Variants in FAM20B observed in about 807,000 individuals in gnomAD.
FAM20B encodes FAM20B glycosaminoglycan xylosylkinase, also known as glycosaminoglycan xylosylkinase.
FAM20B carries 23 observed loss-of-function variants against 43.8 expected under a neutral mutation model. The ratio of observed to expected loss-of-function variants is 0.53; its 90% CI spans 0.38 to 0.74. The LOEUF (loss-of-function observed/expected upper bound fraction) is 0.74, where lower values mean the gene tolerates loss of function less well. Ranked by LOEUF, FAM20B falls within the 30% of genes least tolerant of loss-of-function variation. The pLI, the probability that FAM20B is intolerant of heterozygous loss-of-function variation, is 0.00. For synonymous variants in FAM20B, 178 were observed against 192.4 expected (o/e 0.93, Z 0.62); for missense variants, 440 against 510.5 (o/e 0.86, Z 1.33).
rs140404212 is a variant in FAM20B, at chr1:179,048,291, C to T, written c.378-1988C>T. Among the ~76,000 whole-genome samples, 74 of 152,242 alleles carry T rather than the reference C, an allele frequency of 4.9e-4. No homozygotes were observed. The Middle Eastern group carries it at 0.01, about 21-fold the overall frequency. On this transcript the variant is annotated intron_variant, in intron 2 of 7. Coordinates refer to ENST00000263733, the MANE Select transcript of FAM20B (RefSeq NM_014864.4). ...TTTTACAGGTGAGAAAAATGAGATC[C>T]AGAATTCTGATTTTCCATATTTCAC...
rs1456486057 is a variant in FAM20B, at chr1:179,075,816, A to G, written c.*3672A>G. On this transcript the variant is annotated 3_prime_UTR_variant, in exon 8 of 8. Coordinates refer to ENST00000263733, the MANE Select transcript of FAM20B (RefSeq NM_014864.4). ...GCCTTCCCTTCCCTTCCCATCCGCC[A>G]TATTTCTTCAGCCTTTCTTCTCGAT... 1 of 151,572 alleles carries G rather than the reference A, an allele frequency of 6.6e-6. No individual in the cohort carries two copies. The highest frequency in any genetic ancestry group is 1.5e-5 in the Non-Finnish European group (1 of 67,928). 9.4% of individuals were successfully genotyped at this position (151,572 alleles called of 1,614,324 possible).
At chr1:179,019,378 G>C in the FAM20B span, among the ~76,000 whole-genome samples, 4 of 151,990 alleles carry the variant, frequency 2.6e-5, no homozygotes, top group Non-Finnish European at 4.4e-5. Context: ...ATGAGTCTAA[G>C]ACAACTGATG....
At chr1:179,049,178 T>A (rs1302978490) in intron 2 of FAM20B, among the ~76,000 whole-genome samples, 8 of 152,228 alleles carry the variant, frequency 5.3e-5, no homozygotes, top group African/African-American at 1.9e-4. Context: ...TATCCTTTGC[T>A]TATGTCATAC....
At position 179,073,062 on chromosome 1, in the gene FAM20B, C is replaced by G. The variant is rs1651994999; in HGVS notation, c.*918C>G. On this transcript the variant is annotated 3_prime_UTR_variant, in exon 8 of 8. Transcript: ENST00000263733. ...CAAACTGAAATAATACCTTGAATAA[C>G]AGGTTGCCTGTGGTCTCTGTCATCC... The G allele has an allele frequency of 6.6e-6, 1 of 152,198 alleles. No individual in the cohort carries two copies. The highest frequency in any genetic ancestry group is 1.9e-4 in the East Asian group (1 of 5,196). 9.4% of individuals were successfully genotyped at this position (152,198 alleles called of 1,614,324 possible). A position where few individuals can be genotyped will look rare whatever the true frequency, so the allele number is the denominator to read the frequency against.
intron 7 of FAM20B, among the ~76,000 whole-genome samples, chr1:179,070,683 C>T (rs1651886331): frequency 6.6e-6 from 1 of 151,780 alleles, no homozygotes; most frequent in Admixed American, 6.6e-5. Flanking sequence ...TGCCACCACG[C>T]CCAGCTAATT....
intron 1 of FAM20B, among the ~76,000 whole-genome samples, chr1:179,041,758 GA>G (rs1339460225): frequency 6.6e-6 from 1 of 151,970 alleles, no homozygotes; most frequent in Non-Finnish European, 1.5e-5. Context: ...AGGGAAAGGG[GA>G]GAGGGGAGAG....
chr1:179,068,250 C>G (rs1651772208), intron 7 of FAM20B, among the ~76,000 whole-genome samples: 1 of 152,110 alleles, frequency 6.6e-6, no homozygotes, highest in African/African-American at 2.4e-5. Context: ...CAACAAAATT[C>G]TGTAGAAAGT....
At chr1:179,053,243 C>T (rs1405656949) in intron 3 of FAM20B, among the ~76,000 whole-genome samples, 1 of 152,124 alleles carries the variant, frequency 6.6e-6, no homozygotes, top group Non-Finnish European at 1.5e-5. Context: ...CAATGCTAAA[C>T]TGGCTGCTGT....
chr1:179,038,021 T>C (rs1650322835), intron 1 of FAM20B, among the ~76,000 whole-genome samples: 1 of 152,216 alleles, frequency 6.6e-6, no homozygotes, highest in South Asian at 2.1e-4. Flanking sequence ...AAACCACAGC[T>C]CTAACCTTTG....
In FAM20B at chr1:179,075,801, C is replaced by T. The variant is rs1362015750; in HGVS notation, c.*3657C>T. 2 of 151,940 alleles carry T rather than the reference C, an allele frequency of 1.3e-5. No individual in the cohort carries two copies. Among genetic ancestry groups the T allele is most frequent in the Non-Finnish European group, 2.9e-5 (2 of 67,976 alleles). 9.4% of individuals were successfully genotyped at this position (151,940 alleles called of 1,614,324 possible). A position where few individuals can be genotyped will look rare whatever the true frequency, so the allele number is the denominator to read the frequency against. On this transcript the variant is annotated 3_prime_UTR_variant, in exon 8 of 8. Transcript: ENST00000263733. ...AAAAAAAATGCTTTTGCCTTCCCTT[C>T]CCTTCCCATCCGCCATATTTCTTCA...
At chr1:179,032,623 A>G (rs766482023) in intron 1 of FAM20B, among the ~76,000 whole-genome samples, 4 of 152,204 alleles carry the variant, frequency 2.6e-5, no homozygotes, top group African/African-American at 9.7e-5. Flanking sequence ...CAGAAAGCTT[A>G]TATTTAAAAT....
rs915354084 is a variant in FAM20B, at chr1:179,066,842, T to A, written c.981T>A (p.Pro327=). The A allele has an allele frequency of 3.1e-6, 5 of 1,612,060 alleles. No homozygotes were observed. The highest frequency in any genetic ancestry group is 4.2e-6 in the Non-Finnish European group (5 of 1,178,206). ...TGGATGAAAGAAGCATTCTTGCCCC[T>A]CTCTATCAGTGTTGCATGTAAGTTA... ...PSLDERSILA[P]LYQCCIIRVS... is the part of the protein sequence containing the mutation. Residue 327 remains proline (P), a synonymous_variant, in exon 7 of 8, where the codon CCT becomes CCA. Transcript: ENST00000263733.
chr1:179,052,873 CA>C (rs557032865), intron 3 of FAM20B, among the ~76,000 whole-genome samples: 127 of 152,276 alleles, frequency 8.3e-4, no homozygotes, highest in Admixed American at 3.1e-3. Flanking sequence ...TGTTGGAAAC[CA>C]ACAGGCATAA....
intron 2 of FAM20B, among the ~76,000 whole-genome samples, chr1:179,045,621 G>C (rs1208584502): frequency 6.6e-6 from 1 of 152,294 alleles, no homozygotes; most frequent in South Asian, 2.1e-4. Context: ...AAATTTGACT[G>C]GGGCTGGGCG....
intron 4 of FAM20B, among the ~76,000 whole-genome samples, chr1:179,056,328 A>G (rs1045822282): frequency 6.6e-6 from 1 of 152,180 alleles, no homozygotes; most frequent in Non-Finnish European, 1.5e-5. Flanking sequence ...CCTTGCAACT[A>G]CTGATCTTTT....
In FAM20B at chr1:179,076,123, C is replaced by T. The variant is rs746602511; in HGVS notation, c.*3979C>T. The T allele has an allele frequency of 1.3e-5, 2 of 152,172 alleles. No individual in the cohort carries two copies. The highest frequency in any genetic ancestry group is 2.9e-5 in the Non-Finnish European group (2 of 68,034). The allele number at this position is 152,172 out of a possible 1,614,324, so 9.4% of individuals were successfully genotyped here. A position where few individuals can be genotyped will look rare whatever the true frequency, so the allele number is the denominator to read the frequency against. ...AATTAACATAAAGACCATTCATCAGCGAATAACTACTGAGCAACTCTAGTG... is the reference window on the plus strand; with the variant it reads ...AATTAACATAAAGACCATTCATCAGTGAATAACTACTGAGCAACTCTAGTG... On this transcript the variant is annotated 3_prime_UTR_variant, in exon 8 of 8. Transcript: ENST00000263733.
chr1:179,031,632 A>G (rs935061719), intron 1 of FAM20B, among the ~76,000 whole-genome samples: 3 of 152,346 alleles, frequency 2.0e-5, no homozygotes. Context: ...AATTTCATAT[A>G]AGTGATTCTG....
At chr1:179,057,616 C>G (rs1366467236) in intron 4 of FAM20B, among the ~76,000 whole-genome samples, 1 of 152,190 alleles carries the variant, frequency 6.6e-6, no homozygotes, top group African/African-American at 2.4e-5. Flanking sequence ...CACAAAACTA[C>G]TAATTGTTAG....
chr1:179,022,791 G>C (rs1426286238), upstream of FAM20B, among the ~76,000 whole-genome samples: 1 of 152,154 alleles, frequency 6.6e-6, no homozygotes. Context: ...AACGGGGTCA[G>C]ACAGATCCCC....
Sources: gnomAD v4.1 joint callset for allele counts (sites outside exome capture counted in the v4.1 genomes callset) on GRCh38, gnomAD v4.1.1 for gene constraint, MANE v1.5 for transcripts, NCBI Gene and HGNC (gene_info 2026-07-23, HGNC 2026-07-21) for gene names.